EFCAB11: variants seen among roughly 807,000 people sequenced by gnomAD.
The protein encoded by EFCAB11 is EF-hand calcium binding domain 11, also known as EF-hand calcium-binding domain-containing protein 11.
Under a neutral mutation model 23.0 loss-of-function variants are expected in EFCAB11, and 14 were observed. The ratio of observed to expected loss-of-function variants is 0.61; its 90% CI spans 0.40 to 0.95. EFCAB11 has a LOEUF of 0.95. Ranked by LOEUF, EFCAB11 falls within the 40% of genes least tolerant of loss-of-function variation. The pLI, the probability that EFCAB11 is intolerant of heterozygous loss-of-function variation, is 0.00. For missense variants in EFCAB11, 198 were observed against 195.8 expected (o/e 1.01, Z -0.07); for synonymous variants, 65 against 66.6 (o/e 0.98, Z 0.11).
chr14:89,919,185 TGAGAGAGAGAGAGAGAGACA>T (rs1258768156), intron 5 of EFCAB11, among the ~76,000 whole-genome samples: 66 of 138,262 alleles, frequency 4.8e-4, no homozygotes, highest in Non-Finnish European at 7.2e-4. Flanking sequence ...TCACACTTGA[TGAGAGAGAGAGAGAGAGACA>T]GAGAGAGAGA....
chr14:89,843,692 T>C (rs1472146146), intron 5 of EFCAB11, among the ~76,000 whole-genome samples: 2 of 152,374 alleles, frequency 1.3e-5, no homozygotes, highest in East Asian at 3.8e-4. Flanking sequence ...GGGCATCTTA[T>C]ACTTGCAATG....
intron 5 of EFCAB11, among the ~76,000 whole-genome samples, chr14:89,891,605 C>A (rs1376769006): frequency 6.6e-6 from 1 of 151,942 alleles, no homozygotes; most frequent in Non-Finnish European, 1.5e-5. Flanking sequence ...GGGAATTCTC[C>A]CTAATTCACT....
chr14:89,938,982 A>T (rs1361669903), intron 3 of EFCAB11, among the ~76,000 whole-genome samples: 1 of 152,010 alleles, frequency 6.6e-6, no homozygotes, highest in African/African-American at 2.4e-5. Context: ...AAAAAAAAAA[A>T]AAAAAACCAG....
Position 89,943,149 on chromosome 14 carries a change from G to T in EFCAB11, c.217+6948C>A, listed in dbSNP as rs568459348. Among the ~76,000 whole-genome samples, 151 of 152,068 alleles carry T rather than the reference G, an allele frequency of 9.9e-4. 1 individual carries two copies. The highest frequency in any genetic ancestry group is 1.8e-3 in the Non-Finnish European group (124 of 68,000). On this transcript the variant is annotated intron_variant, in intron 3 of 5. Coordinates refer to ENST00000316738, the MANE Select transcript of EFCAB11 (RefSeq NM_145231.4). ...AGTAAGAAGAACAATGGATAGCAGA[G>T]AATTCCCAAGTCACAGCTGTATTAT...
intron 5 of EFCAB11, among the ~76,000 whole-genome samples, chr14:89,850,402 G>A (rs968257025): frequency 1.3e-5 from 2 of 152,166 alleles, no homozygotes; most frequent in African/African-American, 4.8e-5. Flanking sequence ...ATATCATATG[G>A]GAGCTTGTTA....
At position 89,925,458 on chromosome 14, in the gene EFCAB11, C is replaced by A. The variant is rs187345610; in HGVS notation, c.410+6083G>T. ...CTTAACTTTTAATTGCTCAAAACAC[C>A]CTATTATCTAACATTAATTCTATAG... On this transcript the variant is annotated intron_variant, in intron 5 of 5. Transcript: ENST00000316738. 6.6e-5 allele frequency among the ~76,000 whole-genome samples: 10 copies of A among 152,152 alleles called. No individual in the cohort carries two copies. In the East Asian group the frequency reaches 1.7e-3, roughly 26 times the overall value.
intron 3 of EFCAB11, among the ~76,000 whole-genome samples, chr14:89,945,774 C>T (rs1890957076): frequency 6.6e-6 from 1 of 152,090 alleles, no homozygotes; most frequent in Non-Finnish European, 1.5e-5. Flanking sequence ...CTCCTATATC[C>T]TTATTGATTT....
intron 5 of EFCAB11, chr14:89,848,477 A>G (rs1483676159): frequency 6.6e-6 from 1 of 152,210 alleles, no homozygotes; most frequent in Non-Finnish European, 1.5e-5. Flanking sequence ...ATGGGCAGAA[A>G]TGTCTTGAGA....
At chr14:89,931,882 C>A (rs369922702) in intron 4 of EFCAB11, among the ~76,000 whole-genome samples, 39 of 152,192 alleles carry the variant, frequency 2.6e-4, no homozygotes, top group African/African-American at 8.9e-4. Flanking sequence ...TTTGCTGATT[C>A]TCTCAGTACC....
intron 5 of EFCAB11, chr14:89,930,943 T>A (rs867784433): frequency 2.0e-5 from 3 of 152,282 alleles, no homozygotes; most frequent in Non-Finnish European, 4.4e-5. Context: ...AATATTACCT[T>A]CAATCTGCAG....
chr14:89,879,317 G>T (rs1596418855), intron 5 of EFCAB11, among the ~76,000 whole-genome samples: 1 of 151,882 alleles, frequency 6.6e-6, no homozygotes, highest in East Asian at 1.9e-4. Flanking sequence ...TCTAGATGTT[G>T]GTTCCTTTCA....
chr14:89,795,091 C>CATGAACAG lies in EFCAB11; in HGVS notation c.*2151_*2152insCTGTTCAT. 1.3e-5 allele frequency: 2 copies of CATGAACAG among 149,874 alleles called. No homozygotes were observed. Among genetic ancestry groups the CATGAACAG allele is most frequent in the Admixed American group, 1.4e-4 (2 of 14,812 alleles). The allele number at this position is 149,874 out of a possible 1,614,324, so 9.3% of individuals were successfully genotyped here. A position where few individuals can be genotyped will look rare whatever the true frequency, so the allele number is the denominator to read the frequency against. The stretch of plus-strand genomic sequence containing the variant: ...CTCCCAGGTTCATGCTATTCTCCTG[C>CATGAACAG]CTCAGCCTCCCGAGCAGCTGGGACT... On this transcript the variant is annotated 3_prime_UTR_variant, in exon 6 of 6. Transcript: ENST00000316738.
intron 5 of EFCAB11, among the ~76,000 whole-genome samples, chr14:89,816,083 T>C (rs1046788037): frequency 1.3e-5 from 2 of 152,158 alleles, no homozygotes; most frequent in African/African-American, 4.8e-5. Context: ...TAGTTTTCCT[T>C]ATAGAGATTT....
At chr14:89,946,876 C>A (rs545020268) in intron 3 of EFCAB11, among the ~76,000 whole-genome samples, 1 of 152,090 alleles carries the variant, frequency 6.6e-6, no homozygotes, top group Non-Finnish European at 1.5e-5. Context: ...CCACTCCCAG[C>A]CAACTGCTGT....
Position 89,840,432 on chromosome 14 carries a change from T to G in EFCAB11, c.411-43108A>C, listed in dbSNP as rs139434301. ...CCCAAAAGCAATAATCTCCATTACA[T>G]TTGCCTTATCATTTCCTCTGATGCA... On this transcript the variant is annotated intron_variant, in intron 5 of 5. Coordinates refer to ENST00000316738, the MANE Select transcript of EFCAB11 (RefSeq NM_145231.4). 3.9e-5 allele frequency among the ~76,000 whole-genome samples: 6 copies of G among 152,368 alleles called. 1 individual carries two copies. Among genetic ancestry groups the G allele is most frequent in the African/African-American group, 9.6e-5 (4 of 41,588 alleles).
intron 5 of EFCAB11, among the ~76,000 whole-genome samples, chr14:89,802,995 C>T (rs1425991736): frequency 1.3e-5 from 2 of 152,162 alleles, no homozygotes; most frequent in African/African-American, 4.8e-5. Context: ...AGAGAGGGGG[C>T]TGTCCTGGGC....
chr14:89,944,672 C>T (rs1241679877), intron 3 of EFCAB11, among the ~76,000 whole-genome samples: 1 of 152,018 alleles, frequency 6.6e-6, no homozygotes, highest in Non-Finnish European at 1.5e-5. Context: ...ACTAATGGAA[C>T]ATCAAACATT....
chr14:89,900,143 G>A (rs1216819054), intron 5 of EFCAB11, among the ~76,000 whole-genome samples: 1 of 152,064 alleles, frequency 6.6e-6, no homozygotes, highest in East Asian at 1.9e-4. Flanking sequence ...CTATACAGTA[G>A]GGAGAATAAA....
At chr14:89,929,527 CAGCGCATGCCACCA>C (rs1274957151) in intron 5 of EFCAB11, among the ~76,000 whole-genome samples, 1 of 152,142 alleles carries the variant, frequency 6.6e-6, no homozygotes, top group Non-Finnish European at 1.5e-5. Context: ...GCTGGGACTA[CAGCGCATGCCACCA>C]TGCCCAGCTA....
Sources: gnomAD v4.1 joint callset for allele counts (sites outside exome capture counted in the v4.1 genomes callset) on GRCh38, gnomAD v4.1.1 for gene constraint, MANE v1.5 for transcripts, NCBI Gene and HGNC (gene_info 2026-07-23, HGNC 2026-07-21) for gene names.